The following KIF2A variants were observed in gnomAD, a reference collection of about 807,000 sequenced individuals.
KIF2A encodes kinesin-like protein KIF2A.
Under a neutral mutation model 100.2 loss-of-function variants are expected in KIF2A, and 22 were observed. That is an observed-to-expected ratio of 0.22 (90% CI 0.16 to 0.31). The LOEUF (loss-of-function observed/expected upper bound fraction) is 0.31, where lower values mean the gene tolerates loss of function less well. Among genes scored for constraint, KIF2A ranks in the 10% least tolerant of loss-of-function variants. The pLI is 1.00. For synonymous variants in KIF2A, 268 were observed against 285.9 expected (o/e 0.94, Z 0.63); for missense variants, 495 against 898.7 (o/e 0.55, Z 5.74).
At chr5:62,322,953 G>T (rs566010834) in intron 1 of KIF2A, among the ~76,000 whole-genome samples, 1 of 21,900 alleles carries the variant, frequency 4.6e-5, no homozygotes, top group African/African-American at 1.5e-4. Context: ...AAAAAAATCA[G>T]CTTTATTAAA....
At chr5:62,381,341 A>G in intron 20 of KIF2A, 88 bp downstream of exon 20, 1 of 1,067,368 alleles carries the variant, frequency 9.4e-7, no homozygotes, top group Non-Finnish European at 1.4e-6. Flanking sequence ...GCAAGAGGAC[A>G]TACGAAGTGA....
chr5:62,370,860 A>G (rs1741291231), intron 16 of KIF2A, among the ~76,000 whole-genome samples: 2 of 152,176 alleles, frequency 1.3e-5, no homozygotes, highest in African/African-American at 4.8e-5. Context: ...GGCTTGGGCA[A>G]GAGGGCTTTG....
At chr5:62,378,377 G>C (rs1266210294) in intron 19 of KIF2A, among the ~76,000 whole-genome samples, 1 of 152,090 alleles carries the variant, frequency 6.6e-6, no homozygotes, top group Non-Finnish European at 1.5e-5. Context: ...GATATCATTT[G>C]GACATCTTTA....
chr5:62,344,527 G>A (rs1747459079), intron 1 of KIF2A, among the ~76,000 whole-genome samples: 1 of 152,140 alleles, frequency 6.6e-6, no homozygotes, highest in African/African-American at 2.4e-5. Context: ...GTTGTTGAGG[G>A]TGTGGAGGAA....
At chr5:62,323,151 C>T (rs577347619) in intron 1 of KIF2A, among the ~76,000 whole-genome samples, 22 of 151,022 alleles carry the variant, frequency 1.5e-4, no homozygotes, top group Non-Finnish European at 2.5e-4. Flanking sequence ...AGCTACTCAG[C>T]AGGCTGAGGC....
intron 1 of KIF2A, among the ~76,000 whole-genome samples, chr5:62,325,549 C>T (rs1746334399): frequency 6.6e-6 from 1 of 152,094 alleles, no homozygotes; most frequent in African/African-American, 2.4e-5. Flanking sequence ...AAATGCTCAA[C>T]ATCACTAATC....
chr5:62,333,896 A>G lies in KIF2A; in HGVS notation c.65-13234A>G, dbSNP rs77222357. On this transcript the variant is annotated intron_variant, in intron 1 of 20. Coordinates refer to ENST00000407818, the MANE Select transcript of KIF2A (RefSeq NM_001098511.3). Reference sequence around the variant, plus strand: ...CACCTCCCAGCATCCTGCCCAGCCAACATTTCAGGTTGGTAAAATGGACTC... The same window carrying G: ...CACCTCCCAGCATCCTGCCCAGCCAGCATTTCAGGTTGGTAAAATGGACTC... 5.3e-3 allele frequency among the ~76,000 whole-genome samples: 799 copies of G among 152,184 alleles called. 10 individuals carry two copies. Among genetic ancestry groups the G allele is most frequent in the African/African-American group, 0.018 (752 of 41,514 alleles).
chr5:62,372,338 C>A, intron 16 of KIF2A, 100 bp from the exon 17 acceptor site: 1 of 678,180 alleles, frequency 1.5e-6, no homozygotes, highest in Non-Finnish European at 2.6e-6. Flanking sequence ...TATCAATATC[C>A]TTTTCTAAAC....
rs561644526 is a variant in KIF2A at position 62,369,518 on chromosome 5, T to C, written c.1647-2920T>C. On this transcript the variant is annotated intron_variant, in intron 16 of 20. Transcript: ENST00000407818. ...TCTCTCCCTTGACACTTGGAGATTATGGAAATTATAATTTAAGATGAGATT... is the reference window on the plus strand; with the variant it reads ...TCTCTCCCTTGACACTTGGAGATTACGGAAATTATAATTTAAGATGAGATT... Among the ~76,000 whole-genome samples, 11 of 152,310 alleles carry C rather than the reference T, an allele frequency of 7.2e-5. No individual in the cohort carries two copies. In the South Asian group the frequency reaches 2.3e-3, roughly 32 times the overall value.
chr5:62,373,810 T>C lies in KIF2A; in HGVS notation c.1884T>C (p.Asp628=), dbSNP rs1480741400. The change falls in exon 18 of 21, where the codon GAT becomes GAC. Residue 628 remains aspartate, a synonymous_variant. Transcript: ENST00000407818. The part of the protein sequence containing the change: ...QWGVGSSPQR[D]DLKLLCEQNE... ...GTGTGGGGAGTTCCCCTCAGAGAGA[T>C]GATCTAAAACTTCTTTGTGAACAAA... The C allele has an allele frequency of 1.2e-5, 20 of 1,612,700 alleles. No individual in the cohort carries two copies. Among genetic ancestry groups the C allele is most frequent in the Non-Finnish European group, 1.7e-5 (20 of 1,178,750 alleles).
chr5:62,350,214 GTA>G, intron 4 of KIF2A, 94 bp downstream of exon 4: 1 of 685,884 alleles, frequency 1.5e-6, no homozygotes, highest in Non-Finnish European at 2.4e-6. Flanking sequence ...CTTGATGTTG[GTA>G]TTTATTTAAA....
At chr5:62,358,556 C>T (rs1247026341) in intron 9 of KIF2A, among the ~76,000 whole-genome samples, 1 of 152,072 alleles carries the variant, frequency 6.6e-6, no homozygotes, top group East Asian at 1.9e-4. Flanking sequence ...ATACATATCA[C>T]ACAAACCATG....
chr5:62,330,747 G>T (rs1746590055), intron 1 of KIF2A, among the ~76,000 whole-genome samples: 1 of 152,030 alleles, frequency 6.6e-6, no homozygotes, highest in Non-Finnish European at 1.5e-5. Context: ...TTATTTGGTG[G>T]TATTCTGATT....
intron 12 of KIF2A, 44 bp downstream of exon 12, chr5:62,362,585 A>G (rs1748461998): frequency 1.2e-6 from 1 of 833,812 alleles, no homozygotes; most frequent in African/African-American, 1.8e-5. Context: ...AAATATATAT[A>G]TAACATAACA....
chr5:62,334,047 T>A (rs992890530), intron 1 of KIF2A, among the ~76,000 whole-genome samples: 3 of 152,134 alleles, frequency 2.0e-5, no homozygotes, highest in African/African-American at 4.8e-5. Flanking sequence ...GGAATTAATA[T>A]CTTTCCATTT....
rs35130331 is a variant in KIF2A at position 62,389,055 on chromosome 5, GA to G, written c.*3492del. ...CTGCGTTGAATCCATGTAGCAATCT[GA>G]AAAAAGAAATCAAAATGGAATGGTA... On this transcript the variant is annotated 3_prime_UTR_variant, in exon 21 of 21. Coordinates refer to ENST00000407818, the MANE Select transcript of KIF2A (RefSeq NM_001098511.3). The G allele has an allele frequency of 0.25, 395,261 of 1,608,284 alleles. 49,510 individuals are homozygous for G. The highest frequency in any genetic ancestry group is 0.27 in the Middle Eastern group (1,628 of 6,032).
rs148411444 is a variant in KIF2A, at chr5:62,366,396, A to ATT, written c.1579-9_1579-8dup. 1.4e-5 allele frequency: 19 copies of ATT among 1,383,934 alleles called. No individual in the cohort carries two copies. The highest frequency in any genetic ancestry group is 1.9e-5 in the Non-Finnish European group (19 of 1,012,614). The allele number at this position is 1,383,934 out of a possible 1,614,324, so 85.7% of individuals were successfully genotyped here. On this transcript the variant is annotated splice_polypyrimidine_tract_variant and intron_variant, in intron 15 of 20. Coordinates refer to ENST00000407818, the MANE Select transcript of KIF2A (RefSeq NM_001098511.3). ...TTTATAACATTTTGTTTACCTTTGC[A>ATT]TTTTTTTTTTCCTGTAGATTGCCAC...
chr5:62,377,741 A>G lies in KIF2A; in HGVS notation c.1992A>G (p.Glu664=). 1 of 1,546,954 alleles carries G rather than the reference A, an allele frequency of 6.5e-7. No homozygotes were observed. The highest frequency in any genetic ancestry group is 8.8e-7 in the Non-Finnish European group (1 of 1,140,928). ...QMVEMEEQVV[E]DHRAVFQESI... Reference sequence around the variant, plus strand: ...TAGAAATGGAAGAACAAGTTGTAGAAGATCACAGGGCAGTGTTCCAGGTAA... The same window carrying G: ...TAGAAATGGAAGAACAAGTTGTAGAGGATCACAGGGCAGTGTTCCAGGTAA... Residue 664 remains glutamate (E), a synonymous_variant, in exon 19 of 21, where the codon GAA becomes GAG. Coordinates refer to ENST00000407818, the MANE Select transcript of KIF2A (RefSeq NM_001098511.3).
At chr5:62,376,382 C>T (rs1381284590) in intron 18 of KIF2A, among the ~76,000 whole-genome samples, 6 of 151,746 alleles carry the variant, frequency 4.0e-5, no homozygotes, top group African/African-American at 1.2e-4. Context: ...ATCTAAGACA[C>T]GCTCTAGAGA....
Sources: allele counts gnomAD v4.1 joint callset (sites outside exome capture counted in the v4.1 genomes callset), GRCh38; gene constraint gnomAD v4.1.1; transcripts MANE v1.5; gene names NCBI Gene and HGNC (gene_info 2026-07-23, HGNC 2026-07-21).